ARID1B: variants seen among roughly 807,000 people sequenced by gnomAD.
ARID1B encodes the protein AT-rich interactive domain-containing protein 1B.
In ARID1B, 30 loss-of-function variants were observed where a neutral mutation model predicts 212.3. The ratio of observed to expected loss-of-function variants is 0.14; its 90% CI spans 0.11 to 0.19. The LOEUF is 0.19. ARID1B is among the 10% of genes least tolerant of loss of function. The pLI is 1.00. For missense variants in ARID1B, 2,891 were observed against 3,204.0 expected (o/e 0.90, Z 2.36); for synonymous variants, 1,402 against 1,301.7 (o/e 1.08, Z -1.66).
intron 13 of ARID1B, among the ~76,000 whole-genome samples, chr6:157,187,090 G>T (rs1390481379): frequency 6.6e-6 from 1 of 152,180 alleles, no homozygotes; most frequent in Non-Finnish European, 1.5e-5. Flanking sequence ...AAGGCCATGG[G>T]GTGTGGTTTG....
intron 3 of ARID1B, among the ~76,000 whole-genome samples, chr6:156,932,153 G>T (rs935528872): frequency 7.6e-6 from 1 of 131,938 alleles, no homozygotes. Context: ...AAAGGGGGGG[G>T]GCGGGGTGAA....
intron 8 of ARID1B, among the ~76,000 whole-genome samples, chr6:157,159,698 G>A (rs1790806166): frequency 6.6e-6 from 1 of 152,238 alleles, no homozygotes; most frequent in Non-Finnish European, 1.5e-5. Context: ...AGATGCAGGA[G>A]TGAAAAATAC....
intron 4 of ARID1B, among the ~76,000 whole-genome samples, chr6:157,004,890 CTTTTTTCT>C (rs1438255739): frequency 0.04 from 1,418 of 35,596 alleles, 138 homozygotes; most frequent in African/African-American, 0.085. Context: ...TTTTCTTCTT[CTTTTTTCT>C]TTTTTTTTTT....
At chr6:156,835,332 GT>G (rs1783437996) in intron 2 of ARID1B, among the ~76,000 whole-genome samples, 1 of 151,908 alleles carries the variant, frequency 6.6e-6, no homozygotes, top group African/African-American at 2.4e-5. Flanking sequence ...TTGTATTTGG[GT>G]TTAAACATAT....
In ARID1B at chr6:157,200,836, G is replaced by A. The variant is rs749608995; in HGVS notation, c.4611G>A (p.Pro1537=). ...AGTATGGAGGCTCCTACTCGGGCCC[G>A]GACCGCAGGCCCATCCAGGGCCAGT... ...YNQYGGSYSG[P]DRRPIQGQYP... The change falls in exon 18 of 20, where the codon CCG becomes CCA. Residue 1537 remains proline (P), a synonymous_variant. Transcript: ENST00000636930. This position sits in a 1 kb window ranked among gnomAD's most constrained non-coding sequence, Gnocchi z 4.3. The A allele has an allele frequency of 3.0e-5, 48 of 1,613,954 alleles. No homozygotes were observed. The highest frequency in any genetic ancestry group is 2.6e-4 in the South Asian group (24 of 91,078).
At chr6:157,137,461 G>C (rs965499446) in intron 7 of ARID1B, among the ~76,000 whole-genome samples, 4 of 152,172 alleles carry the variant, frequency 2.6e-5, no homozygotes, top group African/African-American at 7.2e-5. Context: ...TTATTAATAA[G>C]TGAGTTTGTA....
rs1371991750 is a variant in ARID1B, at chr6:156,778,119, C to T, written c.439C>T (p.Leu147Phe). The T allele has an allele frequency of 6.5e-7, 1 of 1,541,432 alleles. No individual in the cohort carries two copies. Among genetic ancestry groups the T allele is most frequent in the Non-Finnish European group, 8.7e-7 (1 of 1,146,284 alleles). ...GPGSAMETGLLPNHKLKTVGE... is the reference protein window; with the variant it reads ...GPGSAMETGLFPNHKLKTVGE... Reference sequence around the variant, plus strand: ...GGGCTCGGCCATGGAGACGGGGCTGCTCCCCAACCACAAACTGAAAACCGT... The same window carrying T: ...GGGCTCGGCCATGGAGACGGGGCTGTTCCCCAACCACAAACTGAAAACCGT... Residue 147 changes from leucine to phenylalanine, a missense_variant, in exon 1 of 20, where the codon CTC becomes TTC. Coordinates refer to ENST00000636930, the MANE Select transcript of ARID1B (RefSeq NM_001374828.1).
intron 1 of ARID1B, among the ~76,000 whole-genome samples, chr6:156,805,476 A>G (rs1312785504): frequency 1.3e-5 from 2 of 152,104 alleles, no homozygotes; most frequent in Non-Finnish European, 2.9e-5. Context: ...TATTGTTACC[A>G]TTACTATTCT....
At chr6:157,044,140 A>G (rs185272870) in intron 4 of ARID1B, among the ~76,000 whole-genome samples, 3 of 152,314 alleles carry the variant, frequency 2.0e-5, no homozygotes, top group African/African-American at 7.2e-5. Flanking sequence ...AATTGTCTTA[A>G]TTGAATCTAT....
At chr6:157,151,788 A>G (rs887214819) in intron 8 of ARID1B, 1 of 152,208 alleles carries the variant, frequency 6.6e-6, no homozygotes, top group African/African-American at 2.4e-5. Flanking sequence ...GGGAACTATC[A>G]CCTAGCTTTG....
chr6:157,018,212 CTTTTTTTTTT>C (rs1208883079), intron 4 of ARID1B, among the ~76,000 whole-genome samples: 14 of 72,460 alleles, frequency 1.9e-4, no homozygotes, highest in Non-Finnish European at 2.8e-4. Context: ...AAGTAGTATG[CTTTTTTTTTT>C]TTTTTTTTTT....
chr6:156,892,998 A>C (rs1383112592), intron 2 of ARID1B, among the ~76,000 whole-genome samples: 7 of 151,856 alleles, frequency 4.6e-5, no homozygotes, highest in African/African-American at 1.7e-4. Flanking sequence ...CTAAGTGTGT[A>C]AGAGCTTAAA....
At chr6:157,169,931 G>A (rs1044212629) in intron 9 of ARID1B, 1 of 152,214 alleles carries the variant, frequency 6.6e-6, no homozygotes, top group East Asian at 1.9e-4. Flanking sequence ...GCACCACTCA[G>A]TCCCAAACAT....
intron 2 of ARID1B, among the ~76,000 whole-genome samples, chr6:156,876,536 C>T (rs1303335989): frequency 6.6e-6 from 1 of 152,216 alleles, no homozygotes; most frequent in Non-Finnish European, 1.5e-5. Flanking sequence ...TTCTTTTCCC[C>T]AGTCCACCGT....
intron 1 of ARID1B, among the ~76,000 whole-genome samples, chr6:156,794,126 T>C (rs1339404480): frequency 2.0e-5 from 3 of 152,208 alleles, no homozygotes; most frequent in African/African-American, 7.2e-5. Flanking sequence ...CATCAGGCTC[T>C]GGAGTGGCCT....
intron 8 of ARID1B, among the ~76,000 whole-genome samples, chr6:157,156,531 A>C (rs1790586348): frequency 6.6e-6 from 1 of 152,232 alleles, no homozygotes; most frequent in South Asian, 2.1e-4. Flanking sequence ...ACTAATTCTA[A>C]AAGGATCAGA....
chr6:156,997,996 A>T (rs1308152708), intron 4 of ARID1B, among the ~76,000 whole-genome samples: 1 of 152,128 alleles, frequency 6.6e-6, no homozygotes. Context: ...TATGGGGTCT[A>T]TTTTACCTCT....
intron 4 of ARID1B, among the ~76,000 whole-genome samples, chr6:156,960,906 C>G (rs906079491): frequency 1.3e-5 from 2 of 152,088 alleles, no homozygotes; most frequent in South Asian, 4.2e-4. Flanking sequence ...GAAGTGTTTT[C>G]CTCTCTAGTT....
At chr6:157,170,243 G>A (rs1336439542) in intron 9 of ARID1B, 2 of 152,018 alleles carry the variant, frequency 1.3e-5, no homozygotes, top group African/African-American at 4.8e-5. Context: ...AGCTTTGTGG[G>A]GCATTAGCTG....
Sources: gnomAD v4.1 joint callset for allele counts (sites outside exome capture counted in the v4.1 genomes callset) on GRCh38, gnomAD v4.1.1 for gene constraint, Gnocchi (gnomAD v3.1) non-coding constraint, MANE v1.5 for transcripts, NCBI Gene and HGNC (gene_info 2026-07-23, HGNC 2026-07-21) for gene names.